CAD: variants seen among roughly 807,000 people sequenced by gnomAD.
The protein encoded by CAD is carbamoyl-phosphate synthetase 2, aspartate transcarbamylase, and dihydroorotase, also known as multifunctional protein CAD.
Under a neutral mutation model 237.2 loss-of-function variants are expected in CAD, and 81 were observed. That is an observed-to-expected ratio of 0.34 (90% CI 0.29 to 0.41). The LOEUF (loss-of-function observed/expected upper bound fraction) is 0.41, where lower values mean the gene tolerates loss of function less well. Ranked by LOEUF, CAD falls within the 10% of genes least tolerant of loss-of-function variation. The pLI, the probability that CAD is intolerant of heterozygous loss-of-function variation, is 1.00. For missense variants in CAD, 2,181 were observed against 2,951.7 expected, an observed-to-expected ratio of 0.74 and a Z score of 6.05; for synonymous variants, 1,196 against 1,162.8, an observed-to-expected ratio of 1.03 and a Z score of -0.58.
chr2:27,223,974 T>C lies in CAD; in HGVS notation c.1053T>C (p.Asp351=). 6.2e-7 allele frequency: 1 copy of C among 1,614,140 alleles called. No homozygotes were observed. The highest frequency in any genetic ancestry group is 8.5e-7 in the Non-Finnish European group (1 of 1,179,990). ...CTTCAGATATGGAACTGCTTTTCGA[T>C]ATCTTTCTGGAAACTGTGAAAGAGG... ...AGPSDMELLF[D]IFLETVKEAT... Residue 351 remains aspartate (D), a synonymous_variant, in exon 8 of 44, where the codon GAT becomes GAC. Coordinates refer to ENST00000264705, the MANE Select transcript of CAD (RefSeq NM_004341.5).
Position 27,224,507 on chromosome 2 carries a change from C to T in CAD, c.1254+17C>T, listed in dbSNP as rs201271880. ...GGCTCTCAGGTGAGGCATGTTCCTC[C>T]CCACCCTTCTGGGCGTGTGACCCTC... On this transcript the variant is annotated intron_variant, in intron 9 of 43. Transcript: ENST00000264705. The T allele has an allele frequency of 5.1e-4, 818 of 1,612,154 alleles. No individual in the cohort carries two copies. Among genetic ancestry groups the T allele is most frequent in the Non-Finnish European group, 6.8e-4 (804 of 1,178,850 alleles).
In CAD at chr2:27,224,819, C is replaced by G. The variant is rs1019200218; in HGVS notation, c.1329C>G (p.Ser443=). Residue 443 remains serine (S), a synonymous_variant, in exon 10 of 44, where the codon TCC becomes TCG. Transcript: ENST00000264705. ...CCAATATTGCCACAGTGCAGACCTCCCAGGGGCTGGCCGACAAGGTCTATT... is the reference window on the plus strand; with the variant it reads ...CCAATATTGCCACAGTGCAGACCTCGCAGGGGCTGGCCGACAAGGTCTATT... ...INPNIATVQT[S]QGLADKVYFL... The G allele has an allele frequency of 2.5e-6, 4 of 1,614,162 alleles. No individual in the cohort carries two copies. The highest frequency in any genetic ancestry group is 1.7e-5 in the Admixed American group (1 of 60,022).
rs1220523790 is a variant in CAD, at chr2:27,235,219, C to T, written c.3787-26C>T. 1 of 1,578,108 alleles carries T rather than the reference C, an allele frequency of 6.3e-7. No homozygotes were observed. Among genetic ancestry groups the T allele is most frequent in the African/African-American group, 1.3e-5 (1 of 74,134 alleles). ...GAGGAGGTCCTCTCACACCTTGGCCCTCTCTCTTCCCTCCCGCCCCTTTAG... is the reference window on the plus strand; with the variant it reads ...GAGGAGGTCCTCTCACACCTTGGCCTTCTCTCTTCCCTCCCGCCCCTTTAG... On this transcript the variant is annotated intron_variant, in intron 23 of 43. Transcript: ENST00000264705. This position sits in a 1 kb window ranked among gnomAD's most constrained non-coding sequence, Gnocchi z 5.2.
At position 27,235,836 on chromosome 2, in the gene CAD, A is replaced by C; in HGVS notation, c.4074+196A>C. Reference sequence around the variant, plus strand: ...GCTGCGAGTGTGCAGTGAGTGCACCACTGCACTCCAGCTTGGGAAACAGTG... The same window carrying C: ...GCTGCGAGTGTGCAGTGAGTGCACCCCTGCACTCCAGCTTGGGAAACAGTG... On this transcript the variant is annotated intron_variant, in intron 25 of 43. Transcript: ENST00000264705. The surrounding 1 kb of genome is among the most constrained non-coding windows in gnomAD (Gnocchi z 5.2). The C allele has an allele frequency of 1.9e-6, 1 of 539,716 alleles. No individual in the cohort carries two copies. Among genetic ancestry groups the C allele is most frequent in the Non-Finnish European group, 3.3e-6 (1 of 305,814 alleles). 33.4% of individuals were successfully genotyped at this position (539,716 alleles called of 1,614,324 possible).
At position 27,233,883 on chromosome 2, in the gene CAD, C is replaced by T; in HGVS notation, c.3399+75C>T. 1 of 1,571,280 alleles carries T rather than the reference C, an allele frequency of 6.4e-7. No individual in the cohort carries two copies. The highest frequency in any genetic ancestry group is 2.2e-5 in the East Asian group (1 of 44,510). On this transcript the variant is annotated intron_variant, in intron 21 of 43. Transcript: ENST00000264705. This position sits in a 1 kb window ranked among gnomAD's most constrained non-coding sequence, Gnocchi z 6.3. ...GAGGAGACTTCCTTCTCTGGTCCAGCAGAATCATAGGCACCAGGGCTGGGA... is the reference window on the plus strand; with the variant it reads ...GAGGAGACTTCCTTCTCTGGTCCAGTAGAATCATAGGCACCAGGGCTGGGA...
In CAD at chr2:27,222,569, C is replaced by T. The variant is rs561240288; in HGVS notation, c.546C>T (p.Asp182=). 6.2e-7 allele frequency: 1 copy of T among 1,614,130 alleles called. No homozygotes were observed. Among genetic ancestry groups the T allele is most frequent in the Admixed American group, 1.7e-5 (1 of 60,024 alleles). The part of the protein sequence containing the change: ...TGGAPRILAL[D]CGLKYNQIRC... ...GTGCCCCTCGGATCCTTGCTTTGGA[C>T]TGTGGCCTCAAGTATAATCAGATCC... Residue 182 remains aspartate, a synonymous_variant, in exon 5 of 44, where the codon GAC becomes GAT. Transcript: ENST00000264705.
chr2:27,233,723 G>C lies in CAD; in HGVS notation c.3314G>C (p.Gly1105Ala). 6.2e-7 allele frequency: 1 copy of C among 1,614,166 alleles called. No homozygotes were observed. The highest frequency in any genetic ancestry group is 8.5e-7 in the Non-Finnish European group (1 of 1,180,044). Residue 1105 changes from glycine to alanine, a missense_variant, in exon 21 of 44, where the codon GGA (glycine) becomes GCA (alanine). Around this residue, in one of 12 missense-constraint regions of CAD, gnomAD observed 306 missense variants for 607.9 expected, o/e 0.50. Transcript: ENST00000264705. This position sits in a 1 kb window ranked among gnomAD's most constrained non-coding sequence, Gnocchi z 6.3. ...GAAMNVAYTD[G>A]DLERFLSSAA... is the part of the protein sequence containing the mutation. ...GCTATGAATGTGGCCTACACGGATGGAGACCTGGAGCGCTTCCTGAGCAGC... is the reference window on the plus strand; with the variant it reads ...GCTATGAATGTGGCCTACACGGATGCAGACCTGGAGCGCTTCCTGAGCAGC...
chr2:27,222,808 G>A, intron 5 of CAD, 58 bp from the exon 6 acceptor site: 1 of 1,591,876 alleles, frequency 6.3e-7, no homozygotes, highest in Non-Finnish European at 8.6e-7. Flanking sequence ...GGGGGCTGCA[G>A]GTGTGTCTCC....
Position 27,231,493 on chromosome 2 carries a change from A to C in CAD, c.2313A>C (p.Ser771=). 1 of 1,612,232 alleles carries C rather than the reference A, an allele frequency of 6.2e-7. No homozygotes were observed. The highest frequency in any genetic ancestry group is 8.5e-7 in the Non-Finnish European group (1 of 1,178,338). ...SVGEVMGIGR[S]FEEAFQKALR... ...GTGAAGTCATGGGCATTGGGCGTTC[A>C]TTTGAGGAGGCCTTCCAGAAGGCCC... Residue 771 remains serine (S), a synonymous_variant, in exon 16 of 44, where the codon TCA becomes TCC. Transcript: ENST00000264705.
chr2:27,225,074 G>A lies in CAD; in HGVS notation c.1451G>A (p.Cys484Tyr). The A allele has an allele frequency of 3.1e-6, 5 of 1,614,180 alleles. No homozygotes were observed. The highest frequency in any genetic ancestry group is 4.2e-6 in the Non-Finnish European group (5 of 1,180,026). ...LTFGGQTALN[C>Y]GVELTKAGVL... ...TTTGGGGGCCAGACTGCTCTGAACT[G>A]TGGTGTGGAGCTGACCAAGGCCGGG... Residue 484 changes from cysteine (C) to tyrosine (Y), a missense_variant, in exon 11 of 44, where the codon TGT becomes TAT. Around this residue, in one of 12 missense-constraint regions of CAD, gnomAD observed 174 missense variants for 215.8 expected, o/e 0.81. Transcript: ENST00000264705.
chr2:27,223,857 G>A (rs1675300848), intron 7 of CAD, 60 bp from the exon 8 acceptor site: 12 of 1,546,186 alleles, frequency 7.8e-6, no homozygotes, highest in East Asian at 4.5e-5. Flanking sequence ...TACCCACCTC[G>A]AGGCTGCCAG....
rs752513843 is a variant in CAD, at chr2:27,234,176, G to A, written c.3568G>A (p.Gly1190Ser). ...GATCAAAGCCATTGTGCATGCTGTG[G>A]GCCAGGAGCTACAGGTCACAGGACC... ...ERIKAIVHAV[G>S]QELQVTGPFN... The change falls in exon 22 of 44, where the codon GGC becomes AGC. Residue 1190 changes from glycine to serine, a missense_variant. Transcript: ENST00000264705. 7 of 1,614,086 alleles carry A rather than the reference G, an allele frequency of 4.3e-6. No individual in the cohort carries two copies. Among genetic ancestry groups the A allele is most frequent in the Non-Finnish European group, 5.9e-6 (7 of 1,180,048 alleles).
intron 6 of CAD, 88 bp downstream of exon 6, chr2:27,223,125 C>T (rs562056313): frequency 4.2e-6 from 6 of 1,418,766 alleles, no homozygotes; most frequent in African/African-American, 1.4e-5. Context: ...GGTGTTTATT[C>T]GTGTTGAAAT....
At chr2:27,226,496 G>A (rs1419847742) in intron 13 of CAD, 29 bp from the exon 14 acceptor site, 2 of 1,612,898 alleles carry the variant, frequency 1.2e-6, no homozygotes, top group South Asian at 2.2e-5. Context: ...GGTCTTCTAG[G>A]CCAGTGACTT....
chr2:27,224,088 G>A, intron 8 of CAD, 59 bp downstream of exon 8: 2 of 1,277,356 alleles, frequency 1.6e-6, no homozygotes, highest in Non-Finnish European at 2.3e-6. Flanking sequence ...TCCAGGATGG[G>A]CATAAGGTGG....
At position 27,222,611 on chromosome 2, in the gene CAD, T is replaced by C; in HGVS notation, c.588T>C (p.Arg196=). Residue 196 remains arginine (R), a synonymous_variant, in exon 5 of 44, where the codon CGT becomes CGC. Coordinates refer to ENST00000264705, the MANE Select transcript of CAD (RefSeq NM_004341.5). ...KYNQIRCLCQ[R]GAEVTVVPWD... Reference sequence around the variant, plus strand: ...ATCAGATCCGATGCCTCTGCCAGCGTGGGGCTGAGGTCACTGTGGTACCCT... The same window carrying C: ...ATCAGATCCGATGCCTCTGCCAGCGCGGGGCTGAGGTCACTGTGGTACCCT... 1.2e-6 allele frequency: 2 copies of C among 1,614,120 alleles called. No homozygotes were observed. Among genetic ancestry groups the C allele is most frequent in the Non-Finnish European group, 1.7e-6 (2 of 1,180,008 alleles).
chr2:27,223,599 G>A lies in CAD; in HGVS notation c.846G>A (p.Leu282=). Residue 282 remains leucine (L), a synonymous_variant, in exon 7 of 44, where the codon TTG becomes TTA. Transcript: ENST00000264705. ...GAGGCCATAACCAGCCCTGCTTGTT[G>A]GTGGGCTCTGGGCGCTGCTTTCTGA... ...GNRGHNQPCL[L]VGSGRCFLTS... 1 of 1,613,532 alleles carries A rather than the reference G, an allele frequency of 6.2e-7. No individual in the cohort carries two copies. Among genetic ancestry groups the A allele is most frequent in the Non-Finnish European group, 8.5e-7 (1 of 1,180,036 alleles).
intron 15 of CAD, among the ~76,000 whole-genome samples, chr2:27,228,017 T>TA (rs914959522): frequency 1.3e-5 from 2 of 152,386 alleles, no homozygotes; most frequent in East Asian, 1.9e-4. Flanking sequence ...TAAAAAGTCT[T>TA]ACAACCACAG....
chr2:27,217,778 C>T, intron 1 of CAD, 99 bp from the exon 2 acceptor site: 4 of 1,471,804 alleles, frequency 2.7e-6, no homozygotes, highest in East Asian at 2.4e-5. Flanking sequence ...CGCCATAAAC[C>T]CCTCGCGACC....
Sources: gnomAD v4.1 joint callset for allele counts (sites outside exome capture counted in the v4.1 genomes callset) on GRCh38, gnomAD v4.1.1 for gene constraint, gnomAD v4.1.1 regional missense constraint, Gnocchi (gnomAD v3.1) non-coding constraint, MANE v1.5 for transcripts, NCBI Gene and HGNC (gene_info 2026-07-23, HGNC 2026-07-21) for gene names.